The following CLDN10 variants were observed in gnomAD, a reference collection of about 807,000 sequenced individuals.
CLDN10 encodes the protein claudin-10.
Under a neutral mutation model 22.9 loss-of-function variants are expected in CLDN10, and 15 were observed. The ratio of observed to expected loss-of-function variants is 0.65; its 90% CI spans 0.44 to 1.01. The LOEUF (loss-of-function observed/expected upper bound fraction) is 1.01, where lower values mean the gene tolerates loss of function less well. Among genes scored for constraint, CLDN10 ranks in the 50% least tolerant of loss-of-function variants. The pLI is 0.00. For missense variants in CLDN10, 247 were observed against 287.8 expected (o/e 0.86, Z 1.03); for synonymous variants, 114 against 111.4 (o/e 1.02, Z -0.15).
intron 1 of CLDN10, among the ~76,000 whole-genome samples, chr13:95,454,107 G>T (rs2042459738): frequency 6.6e-6 from 1 of 151,812 alleles, no homozygotes; most frequent in Non-Finnish European, 1.5e-5. Flanking sequence ...TTGAGTGCAG[G>T]TGTCCACTGG....
intron 1 of CLDN10, among the ~76,000 whole-genome samples, chr13:95,501,202 C>T (rs1430762299): frequency 6.6e-6 from 1 of 151,990 alleles, no homozygotes; most frequent in Non-Finnish European, 1.5e-5. Flanking sequence ...TTAGTAGAGA[C>T]AGGGATTCAC....
At chr13:95,443,449 G>T (rs1205699782) in intron 1 of CLDN10, among the ~76,000 whole-genome samples, 3 of 152,212 alleles carry the variant, frequency 2.0e-5, no homozygotes, top group African/African-American at 7.2e-5. Flanking sequence ...GGAAATAACT[G>T]TCAGGAAAGA....
chr13:95,462,196 T>A (rs1439220350), intron 1 of CLDN10, among the ~76,000 whole-genome samples: 5 of 152,152 alleles, frequency 3.3e-5, no homozygotes, highest in Admixed American at 3.3e-4. Context: ...CCTCACTGAG[T>A]CCTGCATTAA....
chr13:95,577,930 G>A lies in CLDN10; in HGVS notation c.603G>A (p.Met201Ile), dbSNP rs1489849412. ...RYTYNGATSVMSSRTKYHGGE... is the reference protein window; with the variant it reads ...RYTYNGATSVISSRTKYHGGE... ...CATACAACGGGGCCACATCTGTCAT[G>A]TCTTCTCGGACAAAGTATCATGGTG... Residue 201 changes from methionine (M) to isoleucine (I), a missense_variant, in exon 5 of 5, where the codon ATG becomes ATA. Coordinates refer to ENST00000299339, the MANE Select transcript of CLDN10 (RefSeq NM_006984.5). 4 of 1,613,492 alleles carry A rather than the reference G, an allele frequency of 2.5e-6. No homozygotes were observed. Among genetic ancestry groups the A allele is most frequent in the Non-Finnish European group, 2.5e-6 (3 of 1,179,620 alleles).
chr13:95,552,729 A>G lies in CLDN10; in HGVS notation c.-25A>G. On this transcript the variant is annotated 5_prime_UTR_variant, in exon 1 of 5. Coordinates refer to ENST00000299339, the MANE Select transcript of CLDN10 (RefSeq NM_006984.5). ...TCGCGGCGCAGAGTGGGAGCCGGAG[A>G]GCGAGCGCGGCTGCAGCCGGCGGCA... The G allele has an allele frequency of 1.3e-6, 2 of 1,598,022 alleles. No homozygotes were observed. Among genetic ancestry groups the G allele is most frequent in the Non-Finnish European group, 1.7e-6 (2 of 1,172,972 alleles).
chr13:95,557,788 C>T lies in CLDN10; in HGVS notation c.221-2344C>T, dbSNP rs148387131. Among the ~76,000 whole-genome samples the T allele has an allele frequency of 1.5e-4, 23 of 152,176 alleles. No homozygotes were observed. In the East Asian group the frequency reaches 4.1e-3, roughly 27 times the overall value. On this transcript the variant is annotated intron_variant, in intron 1 of 4. Coordinates refer to ENST00000299339, the MANE Select transcript of CLDN10 (RefSeq NM_006984.5). Reference sequence around the variant, plus strand: ...ACGGGGCATCTCAGAGTGAGAAACTCGGGAAAAATGTTATCAGTGGTGATT... The same window carrying T: ...ACGGGGCATCTCAGAGTGAGAAACTTGGGAAAAATGTTATCAGTGGTGATT...
intron 3 of CLDN10, chr13:95,561,005 G>C (rs1331680703): frequency 6.5e-6 from 1 of 153,088 alleles, no homozygotes; most frequent in East Asian, 1.9e-4. Flanking sequence ...AATGTGGCTG[G>C]TCAGTCTTGC....
chr13:95,540,870 A>T (rs57975859), intron 1 of CLDN10, among the ~76,000 whole-genome samples: 2,401 of 152,284 alleles, frequency 0.016, 79 homozygotes, highest in African/African-American at 0.055. Flanking sequence ...ACTAGAAGAG[A>T]TAAGTAGTAT....
At chr13:95,501,800 A>G (rs533367386) in intron 1 of CLDN10, among the ~76,000 whole-genome samples, 1 of 152,318 alleles carries the variant, frequency 6.6e-6, no homozygotes, top group South Asian at 2.1e-4. Flanking sequence ...AATCACTGAT[A>G]TAGTTGGGTT....
At chr13:95,570,987 G>A (rs954407627) in intron 3 of CLDN10, among the ~76,000 whole-genome samples, 1 of 150,692 alleles carries the variant, frequency 6.6e-6, no homozygotes, top group South Asian at 2.1e-4. Context: ...TTATGTTGGT[G>A]CAAAAGTAAT....
At chr13:95,496,058 G>T (rs920295983) in intron 1 of CLDN10, among the ~76,000 whole-genome samples, 6 of 152,086 alleles carry the variant, frequency 3.9e-5, no homozygotes, top group African/African-American at 1.4e-4. Context: ...GGAATATTTG[G>T]GCTCTTTTCC....
chr13:95,523,014 GC>G (rs1219703391), intron 1 of CLDN10, among the ~76,000 whole-genome samples: 1 of 150,532 alleles, frequency 6.6e-6, no homozygotes, highest in Non-Finnish European at 1.5e-5. Context: ...TTAGTTCTTT[GC>G]CCTTAGGAAC....
intron 1 of CLDN10, among the ~76,000 whole-genome samples, chr13:95,484,201 C>T (rs1196642449): frequency 6.6e-6 from 1 of 152,214 alleles, no homozygotes; most frequent in East Asian, 1.9e-4. Context: ...CTCTCTGCAG[C>T]TCAGTCACTT....
intron 1 of CLDN10, among the ~76,000 whole-genome samples, chr13:95,513,086 C>T: frequency 6.6e-6 from 1 of 152,064 alleles, no homozygotes; most frequent in East Asian, 1.9e-4. Flanking sequence ...TATATTGCTG[C>T]CCAGGTTGGT....
At chr13:95,560,504 G>A in intron 3 of CLDN10, 41 bp downstream of exon 3, 4 of 1,475,064 alleles carry the variant, frequency 2.7e-6, no homozygotes, top group South Asian at 2.3e-5. Flanking sequence ...CACAGGAAGT[G>A]TATATAAATT....
chr13:95,433,861 G>C lies in CLDN10; in HGVS notation c.28G>C (p.Val10Leu), dbSNP rs150191933. 14 of 1,614,060 alleles carry C rather than the reference G, an allele frequency of 8.7e-6. No individual in the cohort carries two copies. In the East Asian group the frequency reaches 2.9e-4, roughly 33 times the overall value. The change falls in exon 1 of 5, where the codon GTG (valine) becomes CTG (leucine). Residue 10 changes from valine (V) to leucine (L), a missense_variant. Transcript: ENST00000376873. ...GTCCAGGGCGCAGATCTGGGCTCTG[G>C]TGTCTGGTGTCGGAGGGTTTGGAGC...
In CLDN10 at chr13:95,560,205, C is replaced by T; in HGVS notation, c.294C>T (p.Leu98=). The change falls in exon 2 of 5, where the codon CTC becomes CTT. Residue 98 remains leucine (L), a synonymous_variant. Transcript: ENST00000299339. Reference sequence around the variant, plus strand: ...GCTTCTTTGGTTCCATATTTGCGCTCTTTGGAATGAAGTGTACCAAAGTCG... The same window carrying T: ...GCTTCTTTGGTTCCATATTTGCGCTTTTTGGAATGAAGTGTACCAAAGTCG... ...SLGFFGSIFA[L]FGMKCTKVGG... is the part of the protein sequence containing the mutation. The T allele has an allele frequency of 1.9e-6, 3 of 1,614,162 alleles. No homozygotes were observed. The highest frequency in any genetic ancestry group is 2.5e-6 in the Non-Finnish European group (3 of 1,180,004).
chr13:95,547,202 C>T (rs1419676993), intron 1 of CLDN10, among the ~76,000 whole-genome samples: 2 of 151,966 alleles, frequency 1.3e-5, no homozygotes, highest in East Asian at 3.9e-4. Flanking sequence ...ATTTAACTGT[C>T]CTCCAGTTTT....
intron 1 of CLDN10, among the ~76,000 whole-genome samples, chr13:95,542,922 T>C (rs1288266819): frequency 1.3e-5 from 2 of 152,064 alleles, no homozygotes; most frequent in African/African-American, 4.8e-5. Flanking sequence ...AACACCAGTA[T>C]ATATGGAGAT....
Sources: gnomAD v4.1 joint callset for allele counts (sites outside exome capture counted in the v4.1 genomes callset) on GRCh38, gnomAD v4.1.1 for gene constraint, MANE v1.5 for transcripts, NCBI Gene and HGNC (gene_info 2026-07-23, HGNC 2026-07-21) for gene names.